The following PALM2AKAP2 variants were observed in gnomAD, a reference collection of about 807,000 sequenced individuals.
PALM2AKAP2 encodes PALM2 and AKAP2 fusion.
Under a neutral mutation model 71.5 loss-of-function variants are expected in PALM2AKAP2, and 37 were observed. The observed-to-expected ratio is 0.52, with a 90% CI of 0.40 to 0.68. The LOEUF (loss-of-function observed/expected upper bound fraction) is 0.68, where lower values mean the gene tolerates loss of function less well. Ranked by LOEUF, PALM2AKAP2 falls within the 30% of genes least tolerant of loss-of-function variation. PALM2AKAP2 has a pLI of 0.00. For missense variants in PALM2AKAP2, 1,224 were observed against 1,191.8 expected (o/e 1.03, Z -0.40); for synonymous variants, 468 against 478.8 (o/e 0.98, Z 0.29).
At chr9:109,991,344 C>T (rs1366373723) in intron 6 of PALM2AKAP2, among the ~76,000 whole-genome samples, 1 of 151,918 alleles carries the variant, frequency 6.6e-6, no homozygotes, top group African/African-American at 2.4e-5. Context: ...TCAAGGCATC[C>T]TCTCACCTCA....
At chr9:110,004,993 A>G (rs1832750345) in intron 6 of PALM2AKAP2, among the ~76,000 whole-genome samples, 2 of 152,084 alleles carry the variant, frequency 1.3e-5, no homozygotes, top group South Asian at 4.1e-4. Flanking sequence ...TTTAGCTCGG[A>G]GTAGTTTGAT....
In PALM2AKAP2 at chr9:109,719,918, C is replaced by T. The variant is rs1012543638; in HGVS notation, c.6-60570C>T. Among the ~76,000 whole-genome samples, 3 of 152,258 alleles carry T rather than the reference C, an allele frequency of 2.0e-5. No individual in the cohort carries two copies. In the South Asian group the frequency reaches 6.2e-4, roughly 32 times the overall value. ...GCTCTTGACTATGGACCAGAATTTG[C>T]TCTAGAATGGAGAGTGACATGTAAC... On this transcript the variant is annotated intron_variant, in intron 1 of 6. Coordinates refer to the PALM2AKAP2 transcript ENST00000374531.
At chr9:109,732,492 T>G (rs1406700702) in intron 1 of PALM2AKAP2, among the ~76,000 whole-genome samples, 1 of 152,120 alleles carries the variant, frequency 6.6e-6, no homozygotes, top group Non-Finnish European at 1.5e-5. Flanking sequence ...TTGGAAGACT[T>G]TTTGTTTGTT....
At chr9:109,643,517 A>G (rs1827103984) in intron 1 of PALM2AKAP2, among the ~76,000 whole-genome samples, 1 of 152,162 alleles carries the variant, frequency 6.6e-6, no homozygotes, top group Non-Finnish European at 1.5e-5. Context: ...TTTTTCCCAC[A>G]TTCCCTCTGA....
intron 1 of PALM2AKAP2, among the ~76,000 whole-genome samples, chr9:109,676,493 C>T (rs1235456416): frequency 6.6e-6 from 1 of 152,194 alleles, no homozygotes; most frequent in Non-Finnish European, 1.5e-5. Context: ...ACTTGAGGCA[C>T]TTCACATTTT....
intron 3 of PALM2AKAP2, among the ~76,000 whole-genome samples, chr9:110,157,256 T>A (rs1304543242): frequency 6.6e-6 from 1 of 150,770 alleles, no homozygotes; most frequent in Middle Eastern, 3.2e-3. Context: ...CATATTGAAG[T>A]CATCACCTCC....
At chr9:109,991,557 G>A (rs1365075382) in intron 6 of PALM2AKAP2, among the ~76,000 whole-genome samples, 16 of 152,110 alleles carry the variant, frequency 1.1e-4, no homozygotes, top group Admixed American at 9.2e-4. Flanking sequence ...TGGCCACCAC[G>A]TCTTTAAGAT....
chr9:109,837,286 T>A (rs1828508394), intron 1 of PALM2AKAP2, among the ~76,000 whole-genome samples: 1 of 152,178 alleles, frequency 6.6e-6, no homozygotes, highest in Non-Finnish European at 1.5e-5. Context: ...CTAAGCTTCA[T>A]TAGTGAAGGA....
At position 109,649,354 on chromosome 9, in the gene PALM2AKAP2, A is replaced by G. The variant is rs183611986; in HGVS notation, c.5+8488A>G. Among the ~76,000 whole-genome samples, 112 of 152,156 alleles carry G rather than the reference A, an allele frequency of 7.4e-4. 1 individual carries two copies. The highest frequency in any genetic ancestry group is 2.5e-3 in the African/African-American group (102 of 41,522). On this transcript the variant is annotated intron_variant, in intron 1 of 6. Transcript: ENST00000374531. The stretch of plus-strand genomic sequence containing the variant: ...TTCTCATTTTTTTCCTGATGTTCCT[A>G]TGAGTTTCCTTACATTTAAAAGTCT...
intron 1 of PALM2AKAP2, among the ~76,000 whole-genome samples, chr9:109,722,558 A>G (rs1440794469): frequency 6.6e-6 from 1 of 152,154 alleles, no homozygotes; most frequent in Non-Finnish European, 1.5e-5. Flanking sequence ...GGTTGCCTGA[A>G]TCCAGGAGCT....
At chr9:109,797,364 T>C (rs2131383301) in intron 1 of PALM2AKAP2, among the ~76,000 whole-genome samples, 1 of 152,332 alleles carries the variant, frequency 6.6e-6, no homozygotes, top group African/African-American at 2.4e-5. Context: ...CTTCACCTTT[T>C]TTATCAGGGG....
intron 1 of PALM2AKAP2, chr9:110,090,131 C>G: frequency 3.3e-6 from 1 of 298,846 alleles, no homozygotes; most frequent in Non-Finnish European, 6.7e-6. Context: ...CAAAGTGTAC[C>G]TTTGAACCGG....
intron 1 of PALM2AKAP2, among the ~76,000 whole-genome samples, chr9:109,845,119 A>C (rs1210741860): frequency 6.6e-6 from 1 of 152,214 alleles, no homozygotes; most frequent in South Asian, 2.1e-4. Context: ...TACTAAGTGC[A>C]TTTGAAGAGT....
Position 110,024,941 on chromosome 9 carries a change from C to T in PALM2AKAP2, c.582+8902C>T, listed in dbSNP as rs902140775. 6 of 1,394,442 alleles carry T rather than the reference C, an allele frequency of 4.3e-6. No individual in the cohort carries two copies. In the African/African-American group the frequency reaches 8.5e-5, roughly 20 times the overall value. 86.4% of individuals were successfully genotyped at this position (1,394,442 alleles called of 1,614,324 possible). A position where few individuals can be genotyped will look rare whatever the true frequency, so the allele number is the denominator to read the frequency against. The stretch of plus-strand genomic sequence containing the variant: ...GTTCAGGCTCCTTCCCATTGGTTCT[C>T]ACAAAGTGTGCTTCTCTGGGTGGAG... On this transcript the variant is annotated intron_variant, in intron 7 of 9. Coordinates refer to the PALM2AKAP2 transcript ENST00000302798.
intron 7 of PALM2AKAP2, chr9:110,024,880 A>G (rs1013765934): frequency 2.1e-6 from 2 of 954,412 alleles, no homozygotes; most frequent in East Asian, 2.4e-5. Context: ...TTAAACACCT[A>G]TTATGCCATG....
At chr9:110,029,915 G>A (rs531280462) in intron 7 of PALM2AKAP2, among the ~76,000 whole-genome samples, 13 of 152,254 alleles carry the variant, frequency 8.5e-5, no homozygotes, top group South Asian at 2.1e-4. Context: ...GGCCACTTAC[G>A]ATAAGCCTTG....
At chr9:109,827,259 C>T (rs1300599536) in intron 1 of PALM2AKAP2, among the ~76,000 whole-genome samples, 1 of 152,128 alleles carries the variant, frequency 6.6e-6, no homozygotes, top group Non-Finnish European at 1.5e-5. Context: ...TGAGAGTCAT[C>T]AGTCTAGGAA....
intron 3 of PALM2AKAP2, among the ~76,000 whole-genome samples, chr9:110,158,568 T>C (rs1218615017): frequency 6.6e-6 from 1 of 152,220 alleles, no homozygotes; most frequent in Non-Finnish European, 1.5e-5. Flanking sequence ...GGCAGCCACC[T>C]AACAAATGCC....
Position 109,892,677 on chromosome 9 carries a change from C to T in PALM2AKAP2, c.257+11996C>T, listed in dbSNP as rs1476092076. On this transcript the variant is annotated intron_variant, in intron 3 of 9. Coordinates refer to the PALM2AKAP2 transcript ENST00000302798. ...GGCAGTGGTTAGGGGCATGAACATC[C>T]GCGTAATACTTGCTGGGTTCAAGTT... Among the ~76,000 whole-genome samples, 10 of 152,108 alleles carry T rather than the reference C, an allele frequency of 6.6e-5. No individual in the cohort carries two copies. The East Asian group carries it at 9.6e-4, about 15-fold the overall frequency.
Sources: allele counts gnomAD v4.1 joint callset (sites outside exome capture counted in the v4.1 genomes callset), GRCh38; gene constraint gnomAD v4.1.1; transcripts MANE v1.5; gene names NCBI Gene and HGNC (gene_info 2026-07-23, HGNC 2026-07-21).